TRAPPC9: variants seen among roughly 807,000 people sequenced by gnomAD.
The protein encoded by TRAPPC9 is trafficking protein particle complex subunit 9, also known as IKK2 binding protein.
Under a neutral mutation model 124.0 loss-of-function variants are expected in TRAPPC9, and 83 were observed. That is an observed-to-expected ratio of 0.67 (90% CI 0.56 to 0.80). TRAPPC9 has a LOEUF of 0.80. Ranked by LOEUF, TRAPPC9 falls within the 30% of genes least tolerant of loss-of-function variation. The pLI is 0.00. For missense variants in TRAPPC9, 1,302 were observed against 1,508.3 expected (o/e 0.86, Z 2.27); for synonymous variants, 638 against 617.5 (o/e 1.03, Z -0.49).
At chr8:140,105,546 C>T (rs145496545) in intron 17 of TRAPPC9, among the ~76,000 whole-genome samples, 133 of 152,270 alleles carry the variant, frequency 8.7e-4, no homozygotes, top group African/African-American at 3.1e-3. Context: ...ACCCTCCTGA[C>T]GTGCCCTATC....
At chr8:140,268,022 G>T (rs2064742804) in intron 15 of TRAPPC9, among the ~76,000 whole-genome samples, 1 of 151,976 alleles carries the variant, frequency 6.6e-6, no homozygotes, top group South Asian at 2.1e-4. Context: ...AGTACAAAGA[G>T]AATCATATGG....
intron 17 of TRAPPC9, among the ~76,000 whole-genome samples, chr8:140,102,893 A>C (rs897359891): frequency 3.3e-5 from 5 of 152,068 alleles, no homozygotes; most frequent in Admixed American, 6.5e-5. Flanking sequence ...ATAAAGCTCA[A>C]CCCCCCACAT....
intron 17 of TRAPPC9, chr8:140,099,526 T>C (rs1452463079): frequency 6.8e-6 from 1 of 146,562 alleles, no homozygotes; most frequent in Non-Finnish European, 1.5e-5. Flanking sequence ...CACAAAGTAA[T>C]GACGTTCGCC....
intron 16 of TRAPPC9, among the ~76,000 whole-genome samples, chr8:140,236,362 C>T (rs747361442): frequency 2.0e-5 from 3 of 152,184 alleles, no homozygotes; most frequent in Non-Finnish European, 4.4e-5. Flanking sequence ...GGATTGCAGG[C>T]GTGAGCCAGA....
At chr8:140,373,987 A>G (rs2068361637) in intron 7 of TRAPPC9, among the ~76,000 whole-genome samples, 1 of 152,130 alleles carries the variant, frequency 6.6e-6, no homozygotes, top group Admixed American at 6.5e-5. Flanking sequence ...TCCCTAAGGG[A>G]GTGTTCATAA....
intron 16 of TRAPPC9, among the ~76,000 whole-genome samples, chr8:140,233,408 C>A (rs1379397977): frequency 6.6e-6 from 1 of 151,894 alleles, no homozygotes; most frequent in Non-Finnish European, 1.5e-5. Context: ...GTTTCACCAT[C>A]TTGGCCAGGC....
intron 13 of TRAPPC9, 32 bp from the exon 14 acceptor site, chr8:140,284,053 T>G (rs1423041608): frequency 5.0e-6 from 8 of 1,613,426 alleles, no homozygotes; most frequent in Non-Finnish European, 5.9e-6. Flanking sequence ...TTCACTCCAC[T>G]GGCAAGGCTT....
At chr8:140,125,524 A>G (rs187981363) in intron 17 of TRAPPC9, among the ~76,000 whole-genome samples, 2 of 150,114 alleles carry the variant, frequency 1.3e-5, no homozygotes, top group South Asian at 2.1e-4. Flanking sequence ...GAAGGTGTGC[A>G]GGGGACCTGT....
At chr8:139,885,784 G>A in intron 21 of TRAPPC9, 95 bp downstream of exon 21, 1 of 1,229,836 alleles carries the variant, frequency 8.1e-7, no homozygotes, top group Admixed American at 2.0e-5. Context: ...ACCAACATTT[G>A]GGGTGCCCAG....
At chr8:140,223,562 T>A (rs1173656871) in intron 16 of TRAPPC9, among the ~76,000 whole-genome samples, 1 of 152,206 alleles carries the variant, frequency 6.6e-6, no homozygotes, top group Admixed American at 6.5e-5. Context: ...AACGAACCCA[T>A]CTAAGTAACT....
At chr8:140,338,195 G>A (rs1345338304) in intron 9 of TRAPPC9, among the ~76,000 whole-genome samples, 3 of 152,156 alleles carry the variant, frequency 2.0e-5, no homozygotes, top group African/African-American at 7.2e-5. Context: ...CAGCAAGACT[G>A]GGTGGCTGCA....
rs994967184 is a variant in TRAPPC9 at position 139,758,228 on chromosome 8, G to C, written c.3056-26026C>G. ...TCGCTGGACTTGCTGGCTGGGGCTG[G>C]AGCAAATGCCAGGCTTATGTGGGGT... On this transcript the variant is annotated intron_variant, in intron 21 of 22. Coordinates refer to ENST00000438773, the MANE Select transcript of TRAPPC9 (RefSeq NM_001160372.4). 3.3e-5 allele frequency among the ~76,000 whole-genome samples: 5 copies of C among 152,356 alleles called. No individual in the cohort carries two copies. In the East Asian group the frequency reaches 9.6e-4, roughly 29 times the overall value.
chr8:139,848,712 T>C (rs1827261642), intron 21 of TRAPPC9, among the ~76,000 whole-genome samples: 1 of 152,104 alleles, frequency 6.6e-6, no homozygotes, highest in South Asian at 2.1e-4. Flanking sequence ...TGAATTACAG[T>C]GTTTAAAAAG....
intron 17 of TRAPPC9, among the ~76,000 whole-genome samples, chr8:140,191,067 G>C (rs1295664760): frequency 6.6e-6 from 1 of 152,120 alleles, no homozygotes; most frequent in Admixed American, 6.5e-5. Flanking sequence ...GGTTACAATA[G>C]CCTCTACAAT....
chr8:140,335,110 T>C (rs2067000040), intron 9 of TRAPPC9, among the ~76,000 whole-genome samples: 1 of 152,112 alleles, frequency 6.6e-6, no homozygotes, highest in South Asian at 2.1e-4. Context: ...GTGAATGTCC[T>C]TGAGAAAGAG....
chr8:139,917,775 G>A (rs1199740469), intron 19 of TRAPPC9, among the ~76,000 whole-genome samples: 5 of 152,228 alleles, frequency 3.3e-5, no homozygotes, highest in African/African-American at 1.2e-4. Flanking sequence ...AGGCTGGCAG[G>A]AGCCAGGAAC....
intron 18 of TRAPPC9, among the ~76,000 whole-genome samples, chr8:140,016,504 C>G (rs1839472652): frequency 2.0e-5 from 3 of 152,196 alleles, no homozygotes; most frequent in Admixed American, 2.0e-4. Flanking sequence ...CATCATAAAA[C>G]AGGTTTTCCT....
intron 5 of TRAPPC9, among the ~76,000 whole-genome samples, chr8:140,422,903 C>T (rs952997137): frequency 6.6e-6 from 1 of 151,994 alleles, no homozygotes; most frequent in Non-Finnish European, 1.5e-5. Context: ...TCATTAGCTA[C>T]GAGGGACATG....
intron 7 of TRAPPC9, among the ~76,000 whole-genome samples, chr8:140,391,314 A>G (rs940952868): frequency 1.2e-4 from 18 of 152,220 alleles, no homozygotes; most frequent in Non-Finnish European, 1.6e-4. Context: ...TTGATCCTAG[A>G]GTATGTTCTC....
Sources: allele counts gnomAD v4.1 joint callset (sites outside exome capture counted in the v4.1 genomes callset), GRCh38; gene constraint gnomAD v4.1.1; transcripts MANE v1.5; gene names NCBI Gene and HGNC (gene_info 2026-07-23, HGNC 2026-07-21).